Variants in CEMIP observed in about 807,000 individuals in gnomAD.
CEMIP encodes cell migration-inducing and hyaluronan-binding protein.
A neutral mutation model predicts 156.9 loss-of-function variants in CEMIP; 105 were observed. The observed-to-expected ratio is 0.67, with a 90% CI of 0.57 to 0.79. The LOEUF is 0.79. Among genes scored for constraint, CEMIP ranks in the 30% least tolerant of loss-of-function variants. CEMIP has a pLI of 0.00. For missense variants in CEMIP, 1,457 were observed against 1,769.4 expected, an observed-to-expected ratio of 0.82 and a Z score of 3.17; for synonymous variants, 676 against 668.4, an observed-to-expected ratio of 1.01 and a Z score of -0.17.
At chr15:80,881,168 A>G (rs1898645553) in intron 6 of CEMIP, 32 bp downstream of exon 6, 1 of 1,569,242 alleles carries the variant, frequency 6.4e-7, no homozygotes, top group Non-Finnish European at 8.8e-7. Context: ...ACGTATACTC[A>G]TTCATTCAAA....
chr15:80,919,995 T>C (rs1900411936), intron 14 of CEMIP, 99 bp from the exon 15 acceptor site: 36 of 1,096,744 alleles, frequency 3.3e-5, no homozygotes, highest in Non-Finnish European at 4.4e-5. Context: ...GCTGAATGAA[T>C]GAATGAGCAC....
rs542794320 is a variant in CEMIP, at chr15:80,864,523, C to T, written c.-175-9015C>T. 6.6e-5 allele frequency among the ~76,000 whole-genome samples: 10 copies of T among 152,326 alleles called. No homozygotes were observed. In the East Asian group the frequency reaches 1.5e-3, roughly 24 times the overall value. ...ACCTTTATGGAGTCTTCATCCGGGCCGGCCCGTGTACCACACACATCGCAT... is the reference window on the plus strand; with the variant it reads ...ACCTTTATGGAGTCTTCATCCGGGCTGGCCCGTGTACCACACACATCGCAT... On this transcript the variant is annotated intron_variant, in intron 1 of 29. Coordinates refer to ENST00000394685, the MANE Select transcript of CEMIP (RefSeq NM_001293298.2).
In CEMIP at chr15:80,920,120, T is replaced by C. The variant is rs953615234; in HGVS notation, c.1824T>C (p.Ser608=). 1.9e-6 allele frequency: 3 copies of C among 1,614,236 alleles called. No individual in the cohort carries two copies. Among genetic ancestry groups the C allele is most frequent in the Non-Finnish European group, 2.5e-6 (3 of 1,180,044 alleles). Residue 608 remains serine (S), a synonymous_variant, in exon 15 of 30, where the codon TCT becomes TCC. Transcript: ENST00000394685. ...LLIKDVVGYN[S]LGHCFFTEDG... ...TCAAGGACGTTGTGGGCTATAACTC[T>C]TTGGGCCACTGCTTCTTCACGGAAG...
chr15:80,811,055 C>T (rs1382005233), intron 1 of CEMIP, among the ~76,000 whole-genome samples: 1 of 152,174 alleles, frequency 6.6e-6, no homozygotes, highest in Non-Finnish European at 1.5e-5. Flanking sequence ...CATGCTGGGC[C>T]TTGTAGTAGA....
intron 1 of CEMIP, among the ~76,000 whole-genome samples, chr15:80,863,998 C>T (rs1898054562): frequency 6.6e-6 from 1 of 152,134 alleles, no homozygotes; most frequent in East Asian, 1.9e-4. Flanking sequence ...GGGATCTGTG[C>T]TTTGCTTGAA....
At chr15:80,835,580 C>T (rs74395789) in intron 1 of CEMIP, among the ~76,000 whole-genome samples, 3,627 of 152,346 alleles carry the variant, frequency 0.024, 69 homozygotes, top group Middle Eastern at 0.048. Context: ...GTGGAATCTA[C>T]CAGCCTGTCT....
chr15:80,783,958 C>G (rs760839139), intron 1 of CEMIP, among the ~76,000 whole-genome samples: 5 of 152,170 alleles, frequency 3.3e-5, no homozygotes, highest in South Asian at 4.1e-4. Flanking sequence ...AGGGCCTGTC[C>G]CTAGACTCAG....
chr15:80,794,308 C>G (rs957508691), intron 1 of CEMIP, among the ~76,000 whole-genome samples: 1 of 152,124 alleles, frequency 6.6e-6, no homozygotes, highest in Non-Finnish European at 1.5e-5. Flanking sequence ...CTTTGCTTGT[C>G]TGACTCATTC....
intron 1 of CEMIP, among the ~76,000 whole-genome samples, chr15:80,868,527 G>C (rs907163254): frequency 6.6e-6 from 1 of 152,186 alleles, no homozygotes; most frequent in Non-Finnish European, 1.5e-5. Flanking sequence ...GGAAACAGGT[G>C]CACGCTGAAG....
chr15:80,884,591 A>G (rs770883720), intron 7 of CEMIP, among the ~76,000 whole-genome samples: 1 of 152,266 alleles, frequency 6.6e-6, no homozygotes, highest in Non-Finnish European at 1.5e-5. Flanking sequence ...CTCGCTGTTT[A>G]TATGAACTCA....
intron 9 of CEMIP, 148 bp downstream of exon 9, chr15:80,888,944 G>T: frequency 3.9e-6 from 3 of 766,566 alleles, no homozygotes; most frequent in Admixed American, 2.0e-5. Flanking sequence ...ACCAAAAGTT[G>T]TCTTTAATTA....
rs2141888283 is a variant in CEMIP, at chr15:80,906,801, A to G, written c.1550A>G (p.Asn517Ser). ...TACCCCTACAGAAACCACATCTGCA[A>G]TTTCTTTGACTTCGATACCTTTGGG... is the stretch of plus-strand genomic sequence containing the variant. ...KCYPYRNHIC[N>S]FFDFDTFGGH... is the part of the protein sequence containing the mutation. The change falls in exon 13 of 30, where the codon AAT becomes AGT. Residue 517 changes from asparagine to serine, a missense_variant. Asn to Ser is a conservative substitution (Grantham distance 46). Around this residue, in one of 5 missense-constraint regions of CEMIP, gnomAD observed 280 missense variants for 300.3 expected, o/e 0.93. Coordinates refer to ENST00000394685, the MANE Select transcript of CEMIP (RefSeq NM_001293298.2). This position sits in a 1 kb window ranked among gnomAD's most constrained non-coding sequence, Gnocchi z 4.3. The G allele has an allele frequency of 6.2e-7, 1 of 1,614,074 alleles. No homozygotes were observed. The highest frequency in any genetic ancestry group is 2.2e-5 in the East Asian group (1 of 44,876).
chr15:80,818,560 A>G (rs1214391353), intron 1 of CEMIP, among the ~76,000 whole-genome samples: 1 of 152,244 alleles, frequency 6.6e-6, no homozygotes. Context: ...GGAAGTCCTG[A>G]ACTCTAAGCT....
chr15:80,948,734 A>G, intron 29 of CEMIP, 63 bp from the exon 30 acceptor site: 1 of 1,609,904 alleles, frequency 6.2e-7, no homozygotes, highest in Non-Finnish European at 8.5e-7. Context: ...GAGCCATGGA[A>G]CGGGGTGGGG....
At chr15:80,869,250 T>C (rs958965831) in intron 1 of CEMIP, among the ~76,000 whole-genome samples, 1 of 152,202 alleles carries the variant, frequency 6.6e-6, no homozygotes, top group African/African-American at 2.4e-5. Flanking sequence ...AAAGGTCCTG[T>C]CTCCAAATAC....
chr15:80,925,526 C>T (rs1900624522), intron 18 of CEMIP, 98 bp from the exon 19 acceptor site: 22 of 1,523,634 alleles, frequency 1.4e-5, no homozygotes, highest in Non-Finnish European at 2.0e-5. Flanking sequence ...CCTTCCTGGG[C>T]ACTGTGAGTA....
At chr15:80,918,214 G>A (rs1033001175) in intron 14 of CEMIP, among the ~76,000 whole-genome samples, 2 of 152,116 alleles carry the variant, frequency 1.3e-5, no homozygotes, top group African/African-American at 4.8e-5. Flanking sequence ...GGCAGAGGTT[G>A]TAGTGAGCCG....
intron 14 of CEMIP, among the ~76,000 whole-genome samples, chr15:80,918,488 T>TTTGAGAGG (rs1900356053): frequency 6.6e-6 from 1 of 152,148 alleles, no homozygotes; most frequent in African/African-American, 2.4e-5. Flanking sequence ...CAACCTGCAA[T>TTTGAGAGG]CACGGGACAG....
chr15:80,882,378 A>T (rs1445532331), intron 6 of CEMIP, among the ~76,000 whole-genome samples: 1 of 152,224 alleles, frequency 6.6e-6, no homozygotes, highest in African/African-American at 2.4e-5. Flanking sequence ...TTACTCAGTC[A>T]CAAGGTTGGA....
Sources: allele counts gnomAD v4.1 joint callset (sites outside exome capture counted in the v4.1 genomes callset), GRCh38; gene constraint gnomAD v4.1.1; regional missense constraint gnomAD v4.1.1; non-coding constraint Gnocchi (gnomAD v3.1); transcripts MANE v1.5; gene names NCBI Gene and HGNC (gene_info 2026-07-23, HGNC 2026-07-21).